POLH: variants seen among roughly 807,000 people sequenced by gnomAD.
POLH encodes DNA polymerase eta.
Under a neutral mutation model 73.6 loss-of-function variants are expected in POLH, and 53 were observed. The observed-to-expected ratio is 0.72, with a 90% CI of 0.58 to 0.91. The LOEUF is 0.91. Ranked by LOEUF, POLH falls within the 40% of genes least tolerant of loss-of-function variation. The pLI is 0.00. For missense variants in POLH, 768 were observed against 865.4 expected (o/e 0.89, Z 1.41); for synonymous variants, 292 against 308.5 (o/e 0.95, Z 0.56).
At chr6:43,604,592 A>C in intron 7 of POLH, 23 bp from the exon 8 acceptor site, 1 of 1,611,800 alleles carries the variant, frequency 6.2e-7, no homozygotes, top group Admixed American at 1.7e-5. Context: ...TTTCACCTTA[A>C]CGTTTTTTGC....
intron 3 of POLH, among the ~76,000 whole-genome samples, chr6:43,586,324 CA>C (rs1323204986): frequency 1.3e-5 from 2 of 151,824 alleles, no homozygotes; most frequent in African/African-American, 2.4e-5. Flanking sequence ...ACTAAAAATA[CA>C]AAAAAATTCA....
At chr6:43,605,683 G>A (rs970092800) in intron 9 of POLH, among the ~76,000 whole-genome samples, 2 of 151,272 alleles carry the variant, frequency 1.3e-5, no homozygotes, top group Non-Finnish European at 3.0e-5. Context: ...CTCCAGCCAA[G>A]GAAATTTTAA....
chr6:43,614,256 T>C lies in POLH; in HGVS notation c.1841T>C (p.Leu614Pro). The change falls in exon 11 of 11, where the codon CTG (leucine) becomes CCG (proline). Residue 614 changes from leucine (L) to proline (P), a missense_variant. By Grantham distance (98) the Leu-to-Pro change is moderately conservative (BLOSUM62 -3). Coordinates refer to ENST00000372236, the MANE Select transcript of POLH (RefSeq NM_006502.3). ...MHASSASKSV[L>P]EVTQKATPNP... ...GCCTCTTCAGCTTCCAAATCTGTGCTGGAGGTGACTCAGAAAGCAACCCCA... is the reference window on the plus strand; with the variant it reads ...GCCTCTTCAGCTTCCAAATCTGTGCCGGAGGTGACTCAGAAAGCAACCCCA... 6.2e-7 allele frequency: 1 copy of C among 1,602,406 alleles called. No homozygotes were observed. The highest frequency in any genetic ancestry group is 8.5e-7 in the Non-Finnish European group (1 of 1,172,628).
intron 10 of POLH, among the ~76,000 whole-genome samples, chr6:43,611,688 C>T (rs543572412): frequency 1.4e-4 from 22 of 152,082 alleles, no homozygotes; most frequent in East Asian, 5.8e-4. Context: ...TTTAGTTAAT[C>T]GCTTATTACT....
rs114052434 is a variant in POLH at position 43,605,497 on chromosome 6, T to G, written c.1074+178T>G. The G allele has an allele frequency of 6.9e-3, 3,699 of 538,036 alleles. 137 individuals are homozygous for G. In the African/African-American group the frequency reaches 0.07, roughly 10 times the overall value. 33.3% of individuals were successfully genotyped at this position (538,036 alleles called of 1,614,324 possible). A position where few individuals can be genotyped will look rare whatever the true frequency, so the allele number is the denominator to read the frequency against. On this transcript the variant is annotated intron_variant, in intron 9 of 10. Transcript: ENST00000372236. The stretch of plus-strand genomic sequence containing the variant: ...CATGGTCTCACTCTGTCTCCCAGGC[T>G]GAGTACACTGGCACAATCATGGCTC...
intron 9 of POLH, among the ~76,000 whole-genome samples, chr6:43,606,231 C>CATT (rs1305641167): frequency 1.3e-5 from 2 of 151,746 alleles, no homozygotes; most frequent in Non-Finnish European, 2.9e-5. Flanking sequence ...CTCACTTGTA[C>CATT]ATTAGCTCAA....
intron 1 of POLH, among the ~76,000 whole-genome samples, chr6:43,581,271 G>C (rs1382749193): frequency 6.7e-6 from 1 of 149,444 alleles, no homozygotes; most frequent in Non-Finnish European, 1.5e-5. Context: ...GCGGGGCAGA[G>C]GCGCTCCCCA....
At chr6:43,605,191 C>A in intron 8 of POLH, 63 bp from the exon 9 acceptor site, 3 of 915,676 alleles carry the variant, frequency 3.3e-6, no homozygotes, top group Non-Finnish European at 5.4e-6. Context: ...CAAATAACAC[C>A]ATCTAGTTCT....
intron 9 of POLH, among the ~76,000 whole-genome samples, chr6:43,605,930 G>T (rs1767236212): frequency 6.6e-6 from 1 of 151,924 alleles, no homozygotes; most frequent in East Asian, 1.9e-4. Flanking sequence ...TACCATATTG[G>T]CCAGGCTGGT....
At chr6:43,594,957 G>T (rs1765871772) in intron 4 of POLH, among the ~76,000 whole-genome samples, 1 of 151,154 alleles carries the variant, frequency 6.6e-6, no homozygotes, top group African/African-American at 2.4e-5. Flanking sequence ...TGGGGAGGTG[G>T]GGGGCATATG....
chr6:43,585,614 A>G (rs9472084), intron 3 of POLH, among the ~76,000 whole-genome samples: 27,195 of 148,908 alleles, frequency 0.18, 5,367 homozygotes, highest in African/African-American at 0.5. Flanking sequence ...GGCTGTGTGT[A>G]TGAGTATATT....
At position 43,617,094 on chromosome 6, in the gene POLH, G is replaced by A. The variant is rs757791454; in HGVS notation, c.*2537G>A. On this transcript the variant is annotated 3_prime_UTR_variant, in exon 11 of 11. Coordinates refer to ENST00000372236, the MANE Select transcript of POLH (RefSeq NM_006502.3). ...AATCCCAGCTAGTTGGGAGGCTGAG[G>A]CAGGAGAATCACTTGAACCTGGGAG... is the stretch of plus-strand genomic sequence containing the variant. 1.3e-5 allele frequency among the ~76,000 whole-genome samples: 2 copies of A among 152,136 alleles called. No individual in the cohort carries two copies. Among genetic ancestry groups the A allele is most frequent in the Non-Finnish European group, 2.9e-5 (2 of 68,022 alleles).
intron 4 of POLH, among the ~76,000 whole-genome samples, chr6:43,594,080 G>A (rs1765777225): frequency 1.3e-5 from 2 of 151,946 alleles, no homozygotes; most frequent in South Asian, 4.2e-4. Flanking sequence ...CTTATCTTCT[G>A]TGGTCCCGTT....
intron 1 of POLH, among the ~76,000 whole-genome samples, chr6:43,580,074 G>A (rs1385998309): frequency 1.3e-5 from 2 of 149,110 alleles, no homozygotes; most frequent in South Asian, 4.2e-4. Context: ...CAGTGTTTGT[G>A]TCCCTGATTA....
At chr6:43,584,230 C>T (rs1243984490) in intron 3 of POLH, among the ~76,000 whole-genome samples, 2 of 152,140 alleles carry the variant, frequency 1.3e-5, no homozygotes, top group African/African-American at 2.4e-5. Context: ...TCTCAAGGTA[C>T]ACTATACTAT....
At chr6:43,581,120 G>T (rs1362075924) in intron 1 of POLH, among the ~76,000 whole-genome samples, 6 of 142,780 alleles carry the variant, frequency 4.2e-5, no homozygotes, top group Non-Finnish European at 9.3e-5. Flanking sequence ...GGGCGGAGGG[G>T]CTCCTCACTT....
At chr6:43,579,731 A>G (rs1387884058) in intron 1 of POLH, among the ~76,000 whole-genome samples, 2 of 152,092 alleles carry the variant, frequency 1.3e-5, no homozygotes, top group African/African-American at 4.8e-5. Context: ...TGAGCCATCA[A>G]CCTGTGAGAT....
At position 43,619,878 on chromosome 6, in the gene POLH, T is replaced by C. The variant is rs1768598478; in HGVS notation, c.*5321T>C. 6.6e-6 allele frequency among the ~76,000 whole-genome samples: 1 copy of C among 152,224 alleles called. No individual in the cohort carries two copies. The highest frequency in any genetic ancestry group is 1.5e-5 in the Non-Finnish European group (1 of 68,036). On this transcript the variant is annotated 3_prime_UTR_variant, in exon 11 of 11. Coordinates refer to ENST00000372236, the MANE Select transcript of POLH (RefSeq NM_006502.3). The stretch of plus-strand genomic sequence containing the variant: ...GCCTGAGTGGTAGGGAAGCTATCAC[T>C]TTAATACTCTAGAGGCAGAATGCCA...
chr6:43,617,462 C>CA lies in POLH; in HGVS notation c.*2911dup, dbSNP rs555059518. Among the ~76,000 whole-genome samples, 1 of 151,238 alleles carries CA rather than the reference C, an allele frequency of 6.6e-6. No individual in the cohort carries two copies. Among genetic ancestry groups the CA allele is most frequent in the Non-Finnish European group, 1.5e-5 (1 of 67,860 alleles). ...CCAACATGGGGAAAACCCATCTCTA[C>CA]AAAAAATAACAAAAATTAGGTGTGT... On this transcript the variant is annotated 3_prime_UTR_variant, in exon 11 of 11. Coordinates refer to ENST00000372236, the MANE Select transcript of POLH (RefSeq NM_006502.3).
Sources: gnomAD v4.1 joint callset for allele counts (sites outside exome capture counted in the v4.1 genomes callset) on GRCh38, gnomAD v4.1.1 for gene constraint, MANE v1.5 for transcripts, NCBI Gene and HGNC (gene_info 2026-07-23, HGNC 2026-07-21) for gene names.